SLC8A3: variants seen among roughly 807,000 people sequenced by gnomAD.
The protein encoded by SLC8A3 is sodium/calcium exchanger 3.
SLC8A3 carries 37 observed loss-of-function variants against 65.4 expected under a neutral mutation model. The ratio of observed to expected loss-of-function variants is 0.57; its 90% CI spans 0.44 to 0.74. SLC8A3 has a LOEUF of 0.74. SLC8A3 is among the 30% of genes least tolerant of loss of function. SLC8A3 has a pLI of 0.00. For synonymous variants in SLC8A3, 461 were observed against 444.5 expected, an observed-to-expected ratio of 1.04 and a Z score of -0.47; for missense variants, 1,112 against 1,172.1, an observed-to-expected ratio of 0.95 and a Z score of 0.75.
At chr14:70,112,341 T>C (rs1893364239) in intron 2 of SLC8A3, among the ~76,000 whole-genome samples, 1 of 152,098 alleles carries the variant, frequency 6.6e-6, no homozygotes, top group Admixed American at 6.5e-5. Flanking sequence ...GGGGTGGATC[T>C]GGGGCCATGC....
At chr14:70,152,028 C>A (rs1198944023) in intron 2 of SLC8A3, among the ~76,000 whole-genome samples, 1 of 152,148 alleles carries the variant, frequency 6.6e-6, no homozygotes, top group Admixed American at 6.5e-5. Context: ...GGAGGAAGGA[C>A]ACTATTCAAC....
At chr14:70,164,749 T>C (rs1897075165) in intron 2 of SLC8A3, among the ~76,000 whole-genome samples, 1 of 152,128 alleles carries the variant, frequency 6.6e-6, no homozygotes, top group African/African-American at 2.4e-5. Context: ...TTATGGCAAA[T>C]TTTGTGGTCT....
At chr14:70,063,837 A>T in intron 2 of SLC8A3, 1 of 1,602,062 alleles carries the variant, frequency 6.2e-7, no homozygotes, top group Non-Finnish European at 8.6e-7. Context: ...CTGAAAACTC[A>T]TATCCACCAT....
chr14:70,155,360 A>T (rs534705230), intron 2 of SLC8A3, among the ~76,000 whole-genome samples: 7 of 152,176 alleles, frequency 4.6e-5, no homozygotes, highest in Non-Finnish European at 7.3e-5. Flanking sequence ...TTCACATTGT[A>T]TCCATTAACC....
In SLC8A3 at chr14:70,063,974, G is replaced by A. The variant is rs746313188; in HGVS notation, c.1785-3035C>T. The A allele has an allele frequency of 6.5e-6, 7 of 1,074,658 alleles. No individual in the cohort carries two copies. The South Asian group carries it at 6.7e-5, about 10-fold the overall frequency. The allele number at this position is 1,074,658 out of a possible 1,614,324, so 66.6% of individuals were successfully genotyped here. On this transcript the variant is annotated intron_variant, in intron 2 of 6. Coordinates refer to ENST00000356921, the MANE Select transcript of SLC8A3 (RefSeq NM_182932.3). ...TATCATAAGCAAGGAGTAGAGTGTA[G>A]GACAAGTCAGCCAGCAGACAAAAAC...
At chr14:70,174,255 C>T (rs1036975438) in intron 1 of SLC8A3, among the ~76,000 whole-genome samples, 1 of 152,220 alleles carries the variant, frequency 6.6e-6, no homozygotes, top group Non-Finnish European at 1.5e-5. Flanking sequence ...GCTCTACATA[C>T]AGGCAGAATG....
intron 3 of SLC8A3, among the ~76,000 whole-genome samples, chr14:70,060,417 T>C (rs1405777900): frequency 6.6e-6 from 1 of 152,132 alleles, no homozygotes. Context: ...TCCTTTTTTT[T>C]CTTCTCCTCC....
intron 2 of SLC8A3, among the ~76,000 whole-genome samples, chr14:70,109,904 G>T (rs1477495341): frequency 1.3e-5 from 2 of 152,140 alleles, no homozygotes; most frequent in African/African-American, 4.8e-5. Context: ...TGTAGGATTA[G>T]GCTGCTCTGC....
intron 2 of SLC8A3, chr14:70,080,344 G>T: frequency 2.0e-6 from 1 of 510,026 alleles, no homozygotes; most frequent in Non-Finnish European, 2.5e-6. Flanking sequence ...CTTGGCTGTG[G>T]ACTGTTCCTG....
chr14:70,064,003 A>G, intron 2 of SLC8A3: 1 of 800,152 alleles, frequency 1.2e-6, no homozygotes, highest in African/African-American at 1.7e-5. Flanking sequence ...CAAAAACGGG[A>G]AGAGAAGGAA....
At chr14:70,056,938 A>G (rs1246520941) in intron 3 of SLC8A3, among the ~76,000 whole-genome samples, 2 of 152,186 alleles carry the variant, frequency 1.3e-5, no homozygotes, top group East Asian at 3.9e-4. Context: ...ATATCTTAGT[A>G]CAGCCCCTCA....
chr14:70,048,517 C>T (rs1043739281), intron 6 of SLC8A3: 10 of 623,768 alleles, frequency 1.6e-5, no homozygotes, highest in South Asian at 1.1e-4. Flanking sequence ...GGAAACATTA[C>T]AGGGGGAAAA....
At chr14:70,063,248 G>T (rs759521249) in intron 2 of SLC8A3, among the ~76,000 whole-genome samples, 6 of 152,240 alleles carry the variant, frequency 3.9e-5, no homozygotes, top group Non-Finnish European at 7.3e-5. Context: ...GTCAGGAGGA[G>T]AAACAAGTCT....
At chr14:70,054,512 A>AG (rs892376169) in intron 3 of SLC8A3, among the ~76,000 whole-genome samples, 6 of 149,258 alleles carry the variant, frequency 4.0e-5, no homozygotes, top group African/African-American at 1.2e-4. Context: ...CATTTATGTG[A>AG]GGGGGGGCGG....
chr14:70,186,395 A>G (rs1883221251), intron 1 of SLC8A3, among the ~76,000 whole-genome samples: 1 of 152,222 alleles, frequency 6.6e-6, no homozygotes, highest in African/African-American at 2.4e-5. Context: ...GATGTGGCCT[A>G]GTCAGGGAGA....
At chr14:70,063,623 A>G (rs1207478671) in intron 2 of SLC8A3, among the ~76,000 whole-genome samples, 4 of 152,196 alleles carry the variant, frequency 2.6e-5, no homozygotes, top group Non-Finnish European at 4.4e-5. Context: ...GGCAGGTGTT[A>G]GGACAGAGCT....
intron 1 of SLC8A3, among the ~76,000 whole-genome samples, chr14:70,170,906 G>A (rs1006109359): frequency 5.9e-5 from 9 of 152,152 alleles, no homozygotes; most frequent in Non-Finnish European, 1.0e-4. Context: ...AGGAGAAGAG[G>A]TTATGGGAAT....
Position 70,168,444 on chromosome 14 carries a change from T to TAAG in SLC8A3, c.-23_-22insCTT. On this transcript the variant is annotated 5_prime_UTR_variant, in exon 2 of 7. Transcript: ENST00000356921. ...CCATACACGAGACTTAGCCACTGGCTTCTATTGCAGCACCAGTTGTCCTCC... is the reference window on the plus strand; with the variant it reads ...CCATACACGAGACTTAGCCACTGGCTAAGTCTATTGCAGCACCAGTTGTCCTCC... The TAAG allele has an allele frequency of 6.3e-7, 1 of 1,586,884 alleles. No homozygotes were observed. The highest frequency in any genetic ancestry group is 8.6e-7 in the Non-Finnish European group (1 of 1,161,302).
chr14:70,065,432 G>A (rs1002036779), intron 2 of SLC8A3, among the ~76,000 whole-genome samples: 1 of 152,114 alleles, frequency 6.6e-6, no homozygotes, highest in African/African-American at 2.4e-5. Context: ...GCTGGCTACC[G>A]TAGAAAGCCC....
Sources: allele counts gnomAD v4.1 joint callset (sites outside exome capture counted in the v4.1 genomes callset), GRCh38; gene constraint gnomAD v4.1.1; transcripts MANE v1.5; gene names NCBI Gene and HGNC (gene_info 2026-07-23, HGNC 2026-07-21).